Variants in PCDHGA10 observed in about 807,000 individuals in gnomAD.
PCDHGA10 encodes protocadherin gamma subfamily A, 10.
In PCDHGA10, 42 loss-of-function variants were observed where a neutral mutation model predicts 59.5. That is an observed-to-expected ratio of 0.71 (90% CI 0.55 to 0.91). The LOEUF is 0.91. Among genes scored for constraint, PCDHGA10 ranks in the 40% least tolerant of loss-of-function variants. The pLI is 0.00. For missense variants in PCDHGA10, 1,111 were observed against 1,198.2 expected (o/e 0.93, Z 1.07); for synonymous variants, 511 against 517.2 (o/e 0.99, Z 0.16).
chr5:141,432,681 G>A lies in PCDHGA10; in HGVS notation c.2436+17070G>A, dbSNP rs147073234. 2.4e-3 allele frequency: 3,845 copies of A among 1,613,930 alleles called. 12 individuals carry two copies. Among genetic ancestry groups the A allele is most frequent in the Admixed American group, 6.0e-3 (358 of 60,016 alleles). On this transcript the variant is annotated intron_variant, in intron 1 of 3. Coordinates refer to ENST00000398610, the MANE Select transcript of PCDHGA10 (RefSeq NM_018913.3). This position sits in a 1 kb window ranked among gnomAD's most constrained non-coding sequence, Gnocchi z 6.0. Reference sequence around the variant, plus strand: ...CTGGACAGAGACGCGCTCAAGCAGAGCCTCGTAGTGGCCGTCCAGGACCAC... The same window carrying A: ...CTGGACAGAGACGCGCTCAAGCAGAACCTCGTAGTGGCCGTCCAGGACCAC...
chr5:141,489,126 T>A lies in PCDHGA10; in HGVS notation c.2437-5681T>A. ...TGCAAGCAGGCAAACCTCCGAGCAGTTTTTAAGAGGCTGGAAGGAGACATA... is the reference window on the plus strand; with the variant it reads ...TGCAAGCAGGCAAACCTCCGAGCAGATTTTAAGAGGCTGGAAGGAGACATA... On this transcript the variant is annotated intron_variant, in intron 1 of 3. Transcript: ENST00000398610. This position sits in a 1 kb window ranked among gnomAD's most constrained non-coding sequence, Gnocchi z 4.5. 1.7e-6 allele frequency: 1 copy of A among 585,136 alleles called. No individual in the cohort carries two copies. Among genetic ancestry groups the A allele is most frequent in the Non-Finnish European group, 2.7e-6 (1 of 375,012 alleles). The allele number at this position is 585,136 out of a possible 1,614,324, so 36.2% of individuals were successfully genotyped here.
rs184178455 is a variant in PCDHGA10 at position 141,428,574 on chromosome 5, T to C, written c.2436+12963T>C. ...CAGTCCCCCCACAAGATCTTTCTAA[T>C]GAAGTTTCTCTGGTAGCAAGCTTCA... is the stretch of plus-strand genomic sequence containing the variant. On this transcript the variant is annotated intron_variant, in intron 1 of 3. Transcript: ENST00000398610. 1.8e-3 allele frequency: 416 copies of C among 229,070 alleles called. 3 individuals are homozygous for C. The highest frequency in any genetic ancestry group is 2.8e-3 in the Non-Finnish European group (314 of 113,918). The allele number at this position is 229,070 out of a possible 1,614,324, so 14.2% of individuals were successfully genotyped here. A position where few individuals can be genotyped will look rare whatever the true frequency, so the allele number is the denominator to read the frequency against.
chr5:141,445,249 G>T (rs1337658576), intron 1 of PCDHGA10, among the ~76,000 whole-genome samples: 2 of 152,170 alleles, frequency 1.3e-5, no homozygotes, highest in Non-Finnish European at 2.9e-5. Context: ...ACTATATTGT[G>T]TGAGAATATA....
chr5:141,464,622 CT>C (rs947370342), intron 1 of PCDHGA10, among the ~76,000 whole-genome samples: 8 of 152,058 alleles, frequency 5.3e-5, no homozygotes, highest in African/African-American at 1.9e-4. Flanking sequence ...TATTGTCAAG[CT>C]TTTTAATTGT....
chr5:141,485,358 G>T lies in PCDHGA10; in HGVS notation c.2437-9449G>T. 1.2e-6 allele frequency: 2 copies of T among 1,614,100 alleles called. No individual in the cohort carries two copies. Among genetic ancestry groups the T allele is most frequent in the Non-Finnish European group, 1.7e-6 (2 of 1,180,006 alleles). On this transcript the variant is annotated intron_variant, in intron 1 of 3. Coordinates refer to ENST00000398610, the MANE Select transcript of PCDHGA10 (RefSeq NM_018913.3). This position sits in a 1 kb window ranked among gnomAD's most constrained non-coding sequence, Gnocchi z 5.7. ...CTGGATACGGACAGTCTGTCAGCTC[G>T]CAGGCTGCAGGTCGCTGGAGAGGTG...
At chr5:141,500,438 T>C (rs977844035) in intron 2 of PCDHGA10, among the ~76,000 whole-genome samples, 2 of 151,816 alleles carry the variant, frequency 1.3e-5, no homozygotes, top group African/African-American at 4.8e-5. Flanking sequence ...CTCGATCTCC[T>C]GACCTCGTGA....
chr5:141,441,631 C>A, intron 1 of PCDHGA10: 2 of 226,308 alleles, frequency 8.8e-6, no homozygotes, highest in Non-Finnish European at 1.8e-5. Context: ...GACCTGGAGC[C>A]ACAGGCGCTG....
intron 3 of PCDHGA10, among the ~76,000 whole-genome samples, chr5:141,510,208 G>A (rs560746333): frequency 2.0e-5 from 3 of 151,866 alleles, no homozygotes; most frequent in Admixed American, 1.3e-4. Context: ...AGGAGGCAGA[G>A]GTTGCAGTGA....
intron 2 of PCDHGA10, among the ~76,000 whole-genome samples, chr5:141,504,621 T>A (rs1185981312): frequency 7.9e-6 from 1 of 126,856 alleles, no homozygotes; most frequent in Non-Finnish European, 1.6e-5. Flanking sequence ...GATAGGAAAG[T>A]GCACCTTGGA....
Position 141,476,091 on chromosome 5 carries a change from G to T in PCDHGA10, c.2437-18716G>T, listed in dbSNP as rs1470774975. The T allele has an allele frequency of 1.3e-6, 2 of 1,563,074 alleles. No homozygotes were observed. Among genetic ancestry groups the T allele is most frequent in the Non-Finnish European group, 1.7e-6 (2 of 1,159,286 alleles). On this transcript the variant is annotated intron_variant, in intron 1 of 3. Coordinates refer to ENST00000398610, the MANE Select transcript of PCDHGA10 (RefSeq NM_018913.3). This position sits in a 1 kb window ranked among gnomAD's most constrained non-coding sequence, Gnocchi z 7.6. ...AAATCTCAGGGACGATCTGGACCCC[G>T]CTGAGAGGAACTGCTTTTGAGTGAG...
intron 1 of PCDHGA10, among the ~76,000 whole-genome samples, chr5:141,474,420 T>C (rs1260451051): frequency 2.0e-5 from 3 of 152,226 alleles, no homozygotes; most frequent in Admixed American, 2.0e-4. Flanking sequence ...GCCTAGACCA[T>C]TGGTCCTCAC....
chr5:141,464,184 G>T (rs1348739162), intron 1 of PCDHGA10, among the ~76,000 whole-genome samples: 1 of 150,316 alleles, frequency 6.7e-6, no homozygotes, highest in Non-Finnish European at 1.5e-5. Flanking sequence ...AGAATTGCTT[G>T]ATTTCAGGAG....
In PCDHGA10 at chr5:141,417,886, C is replaced by G. The variant is rs1330007520; in HGVS notation, c.2436+2275C>G. Reference sequence around the variant, plus strand: ...TGGGAGGGAGCTGCGCGCAGAGGCGCCGGGCCGGCCCGCGGCAGGTACTAT... The same window carrying G: ...TGGGAGGGAGCTGCGCGCAGAGGCGGCGGGCCGGCCCGCGGCAGGTACTAT... On this transcript the variant is annotated intron_variant, in intron 1 of 3. Transcript: ENST00000398610. The G allele has an allele frequency of 9.0e-6, 14 of 1,563,624 alleles. No individual in the cohort carries two copies. The African/African-American group carries it at 1.9e-4, about 21-fold the overall frequency.
At chr5:141,421,278 G>A (rs764787116) in intron 1 of PCDHGA10, 1 of 1,612,872 alleles carries the variant, frequency 6.2e-7, no homozygotes, top group African/African-American at 1.3e-5. Flanking sequence ...TGCTGCTGCT[G>A]TGCATTTTCC....
Position 141,422,887 on chromosome 5 carries a change from C to G in PCDHGA10, c.2436+7276C>G, listed in dbSNP as rs2154549815. ...CAACGTGTCGCTGAGCCTGTTCGTG[C>G]TGGACCAGAACGACAATGCGCCCGA... On this transcript the variant is annotated intron_variant, in intron 1 of 3. Coordinates refer to ENST00000398610, the MANE Select transcript of PCDHGA10 (RefSeq NM_018913.3). The G allele has an allele frequency of 2.5e-6, 4 of 1,614,264 alleles. No homozygotes were observed. In the Middle Eastern group the frequency reaches 4.9e-4, roughly 200 times the overall value.
chr5:141,436,309 T>C (rs1228417864), intron 1 of PCDHGA10, among the ~76,000 whole-genome samples: 1 of 152,198 alleles, frequency 6.6e-6, no homozygotes, highest in Non-Finnish European at 1.5e-5. Flanking sequence ...AGAGCATGAA[T>C]AGTCAAGACT....
chr5:141,415,423 G>T lies in PCDHGA10; in HGVS notation c.2248G>T (p.Val750Phe), dbSNP rs2154545734. The change falls in exon 1 of 4, where the codon GTT (valine) becomes TTT (phenylalanine). Residue 750 changes from valine (V) to phenylalanine (F), a missense_variant. Transcript: ENST00000398610. ...CTCGCACTTTGTGGGCGTGGACGGG[G>T]TTCGGGCTTTCCTGCAGACCTATTC... ...SGSHFVGVDG[V>F]RAFLQTYSHE... The T allele has an allele frequency of 6.2e-7, 1 of 1,614,204 alleles. No homozygotes were observed. Among genetic ancestry groups the T allele is most frequent in the Non-Finnish European group, 8.5e-7 (1 of 1,180,042 alleles).
rs2099745591 is a variant in PCDHGA10, at chr5:141,492,999, T to C, written c.2437-1808T>C. Among the ~76,000 whole-genome samples, 3 of 152,350 alleles carry C rather than the reference T, an allele frequency of 2.0e-5. No homozygotes were observed. In the South Asian group the frequency reaches 6.2e-4, roughly 32 times the overall value. ...CTGTCTCCTCTGGCAGATGGAAAGCTATAGGCTCTGCCAGATGCCAGGGTG... is the reference window on the plus strand; with the variant it reads ...CTGTCTCCTCTGGCAGATGGAAAGCCATAGGCTCTGCCAGATGCCAGGGTG... On this transcript the variant is annotated intron_variant, in intron 1 of 3. Coordinates refer to ENST00000398610, the MANE Select transcript of PCDHGA10 (RefSeq NM_018913.3).
chr5:141,497,739 A>G (rs1180122239), intron 2 of PCDHGA10, among the ~76,000 whole-genome samples: 1 of 152,118 alleles, frequency 6.6e-6, no homozygotes, highest in Admixed American at 6.6e-5. Flanking sequence ...GGGTTTCGCC[A>G]CGTTGGCCAG....
Sources: allele counts gnomAD v4.1 joint callset (sites outside exome capture counted in the v4.1 genomes callset), GRCh38; gene constraint gnomAD v4.1.1; non-coding constraint Gnocchi (gnomAD v3.1); transcripts MANE v1.5; gene names NCBI Gene and HGNC (gene_info 2026-07-23, HGNC 2026-07-21).